The following PANK1 variants were observed in gnomAD, a reference collection of about 807,000 sequenced individuals.
PANK1 encodes the protein pantothenic acid kinase 1.
In PANK1, 18 loss-of-function variants were observed where a neutral mutation model predicts 40.1. That is an observed-to-expected ratio of 0.45 (90% CI 0.31 to 0.67). The LOEUF (loss-of-function observed/expected upper bound fraction) is 0.67, where lower values mean the gene tolerates loss of function less well. Among genes scored for constraint, PANK1 ranks in the 30% least tolerant of loss-of-function variants. PANK1 has a pLI of 0.06. For missense variants in PANK1, 457 were observed against 599.6 expected (o/e 0.76, Z 2.48); for synonymous variants, 242 against 237.7 (o/e 1.02, Z -0.17).
chr10:89,600,121 G>A (rs1021272582), intron 2 of PANK1, among the ~76,000 whole-genome samples: 1 of 152,148 alleles, frequency 6.6e-6, no homozygotes, highest in Admixed American at 6.5e-5. Flanking sequence ...TTGAACCTCT[G>A]GCATTAAGAA....
In PANK1 at chr10:89,595,828, AAAAAAATAT is replaced by A. The variant is rs1338475919; in HGVS notation, c.900-1848_900-1840del. Among the ~76,000 whole-genome samples the A allele has an allele frequency of 1.6e-4, 11 of 67,130 alleles. No homozygotes were observed. In the East Asian group the frequency reaches 2.0e-3, roughly 12 times the overall value. The allele number at this position is 67,130 out of a possible 152,430, so 44.0% of individuals were successfully genotyped here. On this transcript the variant is annotated intron_variant, in intron 3 of 6. Transcript: ENST00000307534. ...CCGGACTCCATCTTAAAAAAAAAAA[AAAAAAATAT>A]ATATATATATATATATATATATATA...
chr10:89,596,968 G>T (rs1808229854), intron 3 of PANK1, among the ~76,000 whole-genome samples: 1 of 152,092 alleles, frequency 6.6e-6, no homozygotes, highest in Admixed American at 6.5e-5. Flanking sequence ...AAAAAATGTT[G>T]CTACCCAATC....
Position 89,599,384 on chromosome 10 carries a change from T to G in PANK1, c.767A>C (p.Asn256Thr). Residue 256 changes from asparagine (N) to threonine (T), a missense_variant, in exon 3 of 7, where the codon AAT becomes ACT. This residue lies in a region of PANK1 where 286 missense variants were observed against 415.8 expected (regional missense o/e 0.69). Coordinates refer to ENST00000307534, the MANE Select transcript of PANK1 (RefSeq NM_148977.3). Reference protein sequence around the residue: ...PECYYFENPTNPELCQKKPYC... With the variant: ...PECYYFENPTTPELCQKKPYC... ...CGGCTTTTTTTGACACAATTCAGGA[T>G]TTGTGGGATTTTCAAAATAGTAACA... 6.2e-7 allele frequency: 1 copy of G among 1,613,882 alleles called. No homozygotes were observed. Among genetic ancestry groups the G allele is most frequent in the South Asian group, 1.1e-5 (1 of 91,066 alleles).
intron 3 of PANK1, among the ~76,000 whole-genome samples, chr10:89,595,381 G>A (rs1274130220): frequency 6.6e-6 from 1 of 152,158 alleles, no homozygotes; most frequent in Non-Finnish European, 1.5e-5. Context: ...AACCCAGGAG[G>A]TGGAGGTTGC....
chr10:89,627,324 G>A (rs1032851127), intron 1 of PANK1, among the ~76,000 whole-genome samples: 8 of 152,126 alleles, frequency 5.3e-5, no homozygotes, highest in Non-Finnish European at 1.5e-5. Context: ...ATAAAGTGAT[G>A]TGTAGGTATT....
intron 1 of PANK1, among the ~76,000 whole-genome samples, chr10:89,636,290 T>C (rs1160914247): frequency 1.3e-5 from 2 of 152,102 alleles, no homozygotes; most frequent in African/African-American, 4.8e-5. Context: ...CTTTGGAATC[T>C]AGCTGGAGAA....
chr10:89,617,044 C>T (rs1449124580), intron 1 of PANK1, among the ~76,000 whole-genome samples: 1 of 152,146 alleles, frequency 6.6e-6, no homozygotes, highest in African/African-American at 2.4e-5. Flanking sequence ...GGCATGAGAC[C>T]CTCCAGAGCT....
Position 89,584,387 on chromosome 10 carries a change from T to G in PANK1, c.*19A>C. 1 of 1,549,852 alleles carries G rather than the reference T, an allele frequency of 6.5e-7. No homozygotes were observed. Among genetic ancestry groups the G allele is most frequent in the East Asian group, 2.2e-5 (1 of 44,562 alleles). On this transcript the variant is annotated 3_prime_UTR_variant, in exon 7 of 7. Transcript: ENST00000307534. ...AGTTCTCTGTCCTTTTGGGAGGCTGTTTCCTCCACTGCTCGTCTCTACTTG... is the reference window on the plus strand; with the variant it reads ...AGTTCTCTGTCCTTTTGGGAGGCTGGTTCCTCCACTGCTCGTCTCTACTTG...
intron 4 of PANK1, 97 bp from the exon 5 acceptor site, chr10:89,593,417 C>A: frequency 7.3e-7 from 1 of 1,365,414 alleles, no homozygotes; most frequent in South Asian, 1.4e-5. Context: ...AGTAACTGTT[C>A]AAACTCAAGT....
At position 89,644,633 on chromosome 10, in the gene PANK1, T is replaced by C; in HGVS notation, c.259A>G (p.Arg87Gly). 2 of 1,586,958 alleles carry C rather than the reference T, an allele frequency of 1.3e-6. No homozygotes were observed. The highest frequency in any genetic ancestry group is 1.7e-5 in the Admixed American group (1 of 59,198). The change falls in exon 1 of 7, where the codon AGG (arginine) becomes GGG (glycine). Residue 87 changes from arginine to glycine, a missense_variant. Coordinates refer to ENST00000307534, the MANE Select transcript of PANK1 (RefSeq NM_148977.3). ...TTCTTTCTCCCCGAGTCCATCCTCCTCCGCAGCCGGCATTTCTTGGCCGGG... is the reference window on the plus strand; with the variant it reads ...TTCTTTCTCCCCGAGTCCATCCTCCCCCGCAGCCGGCATTTCTTGGCCGGG... ...DSPAKKCRLR[R>G]RMDSGRKNRP...
At chr10:89,644,508 C>A (rs1179744472) in intron 1 of PANK1, 92 bp downstream of exon 1, 2 of 1,126,892 alleles carry the variant, frequency 1.8e-6, no homozygotes, top group Non-Finnish European at 2.5e-6. Flanking sequence ...GCGCACGGGG[C>A]GTGCTGCGGC....
intron 1 of PANK1, among the ~76,000 whole-genome samples, chr10:89,617,218 C>A (rs1075374): frequency 0.15 from 23,095 of 152,204 alleles, 2,205 homozygotes; most frequent in East Asian, 0.45. Context: ...CCTATTCCAA[C>A]TGATAAAGTG....
intron 1 of PANK1, among the ~76,000 whole-genome samples, chr10:89,621,777 A>G (rs11185812): frequency 0.15 from 23,114 of 152,224 alleles, 2,215 homozygotes; most frequent in East Asian, 0.45. Flanking sequence ...GCAGTGGCAC[A>G]ATCTCGGCTC....
At chr10:89,595,816 TAAAAAA>T (rs1192374008) in intron 3 of PANK1, among the ~76,000 whole-genome samples, 38 of 40,864 alleles carry the variant, frequency 9.3e-4, no homozygotes, top group East Asian at 5.2e-3. Context: ...GACTCCATCT[TAAAAAA>T]AAAAAAAAAA....
At chr10:89,637,330 A>C (rs1370947415) in intron 1 of PANK1, among the ~76,000 whole-genome samples, 2 of 152,184 alleles carry the variant, frequency 1.3e-5, no homozygotes, top group Non-Finnish European at 2.9e-5. Context: ...TTTTCAGAGA[A>C]AAGAAGTGTC....
intron 1 of PANK1, among the ~76,000 whole-genome samples, chr10:89,635,287 T>C (rs940926312): frequency 3.3e-5 from 5 of 152,192 alleles, no homozygotes; most frequent in Admixed American, 2.6e-4. Flanking sequence ...CTCACAATTC[T>C]AGAGGCTAGT....
intron 1 of PANK1, among the ~76,000 whole-genome samples, chr10:89,613,134 AG>A (rs1706540765): frequency 6.6e-6 from 1 of 152,372 alleles, no homozygotes; most frequent in Non-Finnish European, 1.5e-5. Context: ...CAGCCTGGAA[AG>A]TTAATGCCAT....
chr10:89,615,198 C>T (rs11185791), intron 1 of PANK1, among the ~76,000 whole-genome samples: 1 of 152,190 alleles, frequency 6.6e-6, no homozygotes, highest in African/African-American at 2.4e-5. Flanking sequence ...GAGATACTTC[C>T]GCACAACAAG....
chr10:89,603,257 A>G (rs1229094240), intron 2 of PANK1, among the ~76,000 whole-genome samples: 3 of 152,210 alleles, frequency 2.0e-5, no homozygotes, highest in Non-Finnish European at 4.4e-5. Flanking sequence ...ATGTCAATAA[A>G]CACATAATTG....
Sources: gnomAD v4.1 joint callset for allele counts (sites outside exome capture counted in the v4.1 genomes callset) on GRCh38, gnomAD v4.1.1 for gene constraint, gnomAD v4.1.1 regional missense constraint, MANE v1.5 for transcripts, NCBI Gene and HGNC (gene_info 2026-07-23, HGNC 2026-07-21) for gene names.